Variants in DPP6 observed in about 807,000 individuals in gnomAD.
DPP6 encodes the protein A-type potassium channel modulatory protein DPP6.
Under a neutral mutation model 122.6 loss-of-function variants are expected in DPP6, and 69 were observed. That is an observed-to-expected ratio of 0.56 (90% CI 0.46 to 0.69). DPP6 has a LOEUF of 0.69. DPP6 is among the 30% of genes least tolerant of loss of function. The pLI, the probability that DPP6 is intolerant of heterozygous loss-of-function variation, is 0.00. For synonymous variants in DPP6, 418 were observed against 433.1 expected (o/e 0.97, Z 0.43); for missense variants, 928 against 1,116.9 (o/e 0.83, Z 2.41).
chr7:154,415,805 A>G (rs1816967667), intron 1 of DPP6, among the ~76,000 whole-genome samples: 1 of 150,784 alleles, frequency 6.6e-6, no homozygotes, highest in East Asian at 1.9e-4. Context: ...CCCGTTACAG[A>G]TTGAGTTGGA....
intron 1 of DPP6, among the ~76,000 whole-genome samples, chr7:154,009,639 G>A (rs1798071867): frequency 6.6e-6 from 1 of 151,758 alleles, no homozygotes; most frequent in South Asian, 2.1e-4. Flanking sequence ...TTAGATACCA[G>A]CTCATTAATT....
intron 7 of DPP6, among the ~76,000 whole-genome samples, chr7:154,673,117 C>T (rs574653360): frequency 6.6e-6 from 1 of 152,192 alleles, no homozygotes; most frequent in African/African-American, 2.4e-5. Context: ...GCAGGCCTTG[C>T]AAGCCCTAAC....
chr7:154,644,091 G>C (rs1836290733), intron 6 of DPP6, among the ~76,000 whole-genome samples: 1 of 152,184 alleles, frequency 6.6e-6, no homozygotes, highest in African/African-American at 2.4e-5. Context: ...GAAATACTCA[G>C]TGTTTAAAAC....
chr7:154,438,485 A>G (rs1245533126), intron 1 of DPP6, among the ~76,000 whole-genome samples: 1 of 148,726 alleles, frequency 6.7e-6, no homozygotes, highest in Non-Finnish European at 1.5e-5. Flanking sequence ...AAAAAAAAAA[A>G]AAAAAAAAAA....
At chr7:154,112,131 C>A (rs1437169044) in intron 1 of DPP6, among the ~76,000 whole-genome samples, 1 of 152,146 alleles carries the variant, frequency 6.6e-6, no homozygotes, top group Non-Finnish European at 1.5e-5. Flanking sequence ...TGAAGCCAAA[C>A]AAACTTAGGT....
At chr7:154,242,367 T>C (rs982317804) in intron 1 of DPP6, among the ~76,000 whole-genome samples, 3 of 152,070 alleles carry the variant, frequency 2.0e-5, no homozygotes, top group African/African-American at 7.2e-5. Context: ...TAACACTGAC[T>C]TTAAGAGGCA....
At chr7:154,424,304 TAAAAC>T (rs1001388648) in intron 1 of DPP6, among the ~76,000 whole-genome samples, 13 of 152,320 alleles carry the variant, frequency 8.5e-5, no homozygotes, top group African/African-American at 3.1e-4. Flanking sequence ...CTTAGTGACT[TAAAAC>T]AACATAAATT....
At chr7:154,379,265 C>G (rs1813389299) in intron 1 of DPP6, among the ~76,000 whole-genome samples, 1 of 152,086 alleles carries the variant, frequency 6.6e-6, no homozygotes, top group Non-Finnish European at 1.5e-5. Flanking sequence ...AATTTTACAT[C>G]TAAAATGTTG....
the DPP6 span, among the ~76,000 whole-genome samples, chr7:153,756,449 T>G: frequency 6.6e-6 from 1 of 152,072 alleles, no homozygotes. Context: ...GAGGCTGTTT[T>G]GTGGTTCATC....
Position 154,403,786 on chromosome 7 carries a change from C to G in DPP6, c.244-42428C>G, listed in dbSNP as rs551566422. Reference sequence around the variant, plus strand: ...TTTACACTTCTGGTCTTTTGGTTCTCAATACCTCGGGGTGTAAAGGACAGC... The same window carrying G: ...TTTACACTTCTGGTCTTTTGGTTCTGAATACCTCGGGGTGTAAAGGACAGC... On this transcript the variant is annotated intron_variant, in intron 1 of 25. Coordinates refer to ENST00000377770, the MANE Select transcript of DPP6 (RefSeq NM_130797.4). The surrounding 1 kb of genome is among the most constrained non-coding windows in gnomAD (Gnocchi z 4.1). Among the ~76,000 whole-genome samples, 13 of 152,186 alleles carry G rather than the reference C, an allele frequency of 8.5e-5. No individual in the cohort carries two copies. Among genetic ancestry groups the G allele is most frequent in the Non-Finnish European group, 1.8e-4 (12 of 68,030 alleles).
At chr7:153,969,489 G>T (rs1795922609) in intron 1 of DPP6, among the ~76,000 whole-genome samples, 1 of 146,878 alleles carries the variant, frequency 6.8e-6, no homozygotes, top group Non-Finnish European at 1.5e-5. Flanking sequence ...GCTTCTAACA[G>T]ATGCATCATA....
At chr7:154,411,806 C>G (rs998522536) in intron 1 of DPP6, among the ~76,000 whole-genome samples, 2 of 152,078 alleles carry the variant, frequency 1.3e-5, no homozygotes, top group Admixed American at 6.5e-5. Flanking sequence ...AATTTTAACT[C>G]TATGATTTGG....
chr7:154,216,241 C>G (rs986207180), intron 1 of DPP6, among the ~76,000 whole-genome samples: 3 of 150,862 alleles, frequency 2.0e-5, no homozygotes, highest in Admixed American at 1.3e-4. Flanking sequence ...GGGCAAGCCT[C>G]TTGGGATTCA....
At chr7:154,870,068 C>T (rs1266444507) in intron 18 of DPP6, among the ~76,000 whole-genome samples, 1 of 151,858 alleles carries the variant, frequency 6.6e-6, no homozygotes, top group African/African-American at 2.4e-5. Flanking sequence ...CAGCCTTGAC[C>T]TCCCGAGCTC....
At chr7:153,966,364 A>C (rs1795719411) in intron 1 of DPP6, among the ~76,000 whole-genome samples, 1 of 150,356 alleles carries the variant, frequency 6.7e-6, no homozygotes, top group Admixed American at 6.7e-5. Context: ...AAGAGAAAAC[A>C]CGCATCCTCA....
At chr7:154,459,805 C>CAAAAAAAAAAAAAAAAAAAA (rs775605275) in intron 2 of DPP6, among the ~76,000 whole-genome samples, 1 of 63,072 alleles carries the variant, frequency 1.6e-5, no homozygotes, top group Non-Finnish European at 3.3e-5. Context: ...GATTCCATCT[C>CAAAAAAAAAAAAAAAAAAAA]AAAAAAAAAA....
chr7:154,112,728 T>C (rs563215976), intron 1 of DPP6, among the ~76,000 whole-genome samples: 14 of 152,240 alleles, frequency 9.2e-5, no homozygotes, highest in African/African-American at 3.4e-4. Context: ...CTACAAACTT[T>C]CTTTTCTTTC....
At chr7:154,474,731 C>T (rs1039487178) in intron 2 of DPP6, among the ~76,000 whole-genome samples, 20 of 152,084 alleles carry the variant, frequency 1.3e-4, no homozygotes, top group African/African-American at 4.1e-4. Context: ...GGCGTGATGC[C>T]GTTCTACTGA....
intron 3 of DPP6, among the ~76,000 whole-genome samples, chr7:154,503,760 A>G (rs372511193): frequency 9.8e-5 from 15 of 152,294 alleles, no homozygotes; most frequent in South Asian, 2.1e-4. Context: ...TGTTTTTGAG[A>G]CTTAAAGAAT....
Sources: allele counts gnomAD v4.1 joint callset (sites outside exome capture counted in the v4.1 genomes callset), GRCh38; gene constraint gnomAD v4.1.1; non-coding constraint Gnocchi (gnomAD v3.1); transcripts MANE v1.5; gene names NCBI Gene and HGNC (gene_info 2026-07-23, HGNC 2026-07-21).